ERAP2: variants seen among roughly 807,000 people sequenced by gnomAD.
ERAP2 encodes the protein endoplasmic reticulum aminopeptidase 2.
ERAP2 carries 118 observed loss-of-function variants against 111.1 expected under a neutral mutation model. That is an observed-to-expected ratio of 1.06 (90% CI 0.92 to 1.24). The LOEUF is 1.24. ERAP2 is among the 50% of genes most tolerant of loss of function. The pLI is 0.00. For synonymous variants in ERAP2, 410 were observed against 401.2 expected, an observed-to-expected ratio of 1.02 and a Z score of -0.26; for missense variants, 1,131 against 1,125.8, an observed-to-expected ratio of 1.00 and a Z score of -0.07.
intron 1 of ERAP2, among the ~76,000 whole-genome samples, chr5:96,878,702 TG>T (rs1581776901): frequency 6.6e-6 from 1 of 152,012 alleles, no homozygotes; most frequent in African/African-American, 2.4e-5. Context: ...CTGAGGCAAG[TG>T]GATCACCTGA....
In ERAP2 at chr5:96,900,002, T is replaced by C. The variant is rs1785278445; in HGVS notation, c.1504-119T>C. 7.5e-6 allele frequency: 9 copies of C among 1,198,594 alleles called. No homozygotes were observed. The South Asian group carries it at 1.3e-4, about 17-fold the overall frequency. 74.2% of individuals were successfully genotyped at this position (1,198,594 alleles called of 1,614,324 possible). On this transcript the variant is annotated intron_variant, in intron 9 of 18. Coordinates refer to ENST00000437043, the MANE Select transcript of ERAP2 (RefSeq NM_022350.5). Reference sequence around the variant, plus strand: ...TTTTCCATTTTTATGTTCATTATCATGTCTGGATGAATTATTTCATATAGC... The same window carrying C: ...TTTTCCATTTTTATGTTCATTATCACGTCTGGATGAATTATTTCATATAGC...
chr5:96,880,207 T>G lies in ERAP2; in HGVS notation c.522T>G (p.Asp174Glu). ...VAMDFQAKLG[D>E]GFEGFYKSTY... ...TGGACTTCCAAGCCAAGTTAGGTGATGGCTTTGAAGGGTTTTATAAAAGCA... is the reference window on the plus strand; with the variant it reads ...TGGACTTCCAAGCCAAGTTAGGTGAGGGCTTTGAAGGGTTTTATAAAAGCA... Residue 174 changes from aspartate to glutamate, a missense_variant, in exon 2 of 19, where the codon GAT becomes GAG. Physicochemically the swap from Asp to Glu is conservative, Grantham distance 45. Transcript: ENST00000437043. 1 of 1,614,100 alleles carries G rather than the reference T, an allele frequency of 6.2e-7. No homozygotes were observed. The highest frequency in any genetic ancestry group is 8.5e-7 in the Non-Finnish European group (1 of 1,179,998).
intron 2 of ERAP2, among the ~76,000 whole-genome samples, chr5:96,882,424 T>C (rs1261534650): frequency 6.6e-6 from 1 of 152,190 alleles, no homozygotes; most frequent in Non-Finnish European, 1.5e-5. Context: ...GTTCCCTTCA[T>C]ACTCAGTCAC....
At chr5:96,912,588 G>T (rs182615886) in intron 15 of ERAP2, 49 bp from the exon 16 acceptor site, 3 of 1,514,310 alleles carry the variant, frequency 2.0e-6, no homozygotes, top group Non-Finnish European at 1.8e-6. Context: ...TAAGAAAAAA[G>T]TTTTTCTTTC....
Position 96,912,768 on chromosome 5 carries a change from C to T in ERAP2, c.2486C>T (p.Ser829Leu), listed in dbSNP as rs759689480. ...AEQNKILYAL[S>L]TSKHQEKLLK... Reference sequence around the variant, plus strand: ...CAAAACAAAATTCTGTATGCTTTGTCAACGAGCAAGCATCAGGAAAAGTTA... The same window carrying T: ...CAAAACAAAATTCTGTATGCTTTGTTAACGAGCAAGCATCAGGAAAAGTTA... The change falls in exon 16 of 19, where the codon TCA (serine) becomes TTA (leucine). Residue 829 changes from serine to leucine, a missense_variant. Physicochemically the swap from Ser to Leu is moderately radical, Grantham distance 145. Coordinates refer to ENST00000437043, the MANE Select transcript of ERAP2 (RefSeq NM_022350.5). The T allele has an allele frequency of 2.5e-6, 4 of 1,602,228 alleles. No homozygotes were observed. The highest frequency in any genetic ancestry group is 3.4e-6 in the Non-Finnish European group (4 of 1,176,976).
rs1785697415 is a variant in ERAP2 at position 96,903,439 on chromosome 5, T to G, written c.1891T>G (p.Tyr631Asp). 5.6e-6 allele frequency: 9 copies of G among 1,614,028 alleles called. No individual in the cohort carries two copies. The highest frequency in any genetic ancestry group is 1.3e-5 in the African/African-American group (1 of 75,056). The change falls in exon 13 of 19, where the codon TAC (tyrosine) becomes GAC (aspartate). Residue 631 changes from tyrosine (Y) to aspartate (D), a missense_variant. By Grantham distance (160) the Tyr-to-Asp change is radical. This residue lies in a region of ERAP2 where 847 missense variants were observed against 856.5 expected (regional missense o/e 0.99). Coordinates refer to ENST00000437043, the MANE Select transcript of ERAP2 (RefSeq NM_022350.5). ...ATTTAATGTGGACTCAAATGGTTAC[T>G]ACATCGTTCACTATGAGGGTCATGG... ...VKFNVDSNGYYIVHYEGHGWD... is the reference protein window; with the variant it reads ...VKFNVDSNGYDIVHYEGHGWD...
intron 15 of ERAP2, among the ~76,000 whole-genome samples, chr5:96,912,190 A>G (rs1786864126): frequency 6.8e-6 from 1 of 147,614 alleles, no homozygotes; most frequent in African/African-American, 2.5e-5. Flanking sequence ...CTCCACCTCA[A>G]AAAAAAAAAA....
chr5:96,918,723 T>A lies in ERAP2; in HGVS notation c.*1118T>A, dbSNP rs1023162464. 6.6e-6 allele frequency: 1 copy of A among 152,224 alleles called. No individual in the cohort carries two copies. The highest frequency in any genetic ancestry group is 2.4e-5 in the African/African-American group (1 of 41,468). The allele number at this position is 152,224 out of a possible 1,614,324, so 9.4% of individuals were successfully genotyped here. On this transcript the variant is annotated 3_prime_UTR_variant, in exon 19 of 19. Coordinates refer to ENST00000437043, the MANE Select transcript of ERAP2 (RefSeq NM_022350.5). ...CCCTCACAGAGACACAAGAAAGGAATATAATTCATACACTATTGCATTTTT... is the reference window on the plus strand; with the variant it reads ...CCCTCACAGAGACACAAGAAAGGAAAATAATTCATACACTATTGCATTTTT...
At chr5:96,898,648 G>A (rs6873441) in intron 9 of ERAP2, among the ~76,000 whole-genome samples, 81,158 of 150,406 alleles carry the variant, frequency 0.54, 21,981 homozygotes, top group Admixed American at 0.58. Context: ...GTTGAGGCAG[G>A]AGAATCACTT....
chr5:96,897,362 C>A (rs1232317065), intron 9 of ERAP2, among the ~76,000 whole-genome samples: 4 of 152,182 alleles, frequency 2.6e-5, no homozygotes, highest in Non-Finnish European at 5.9e-5. Context: ...TGCCACCCAA[C>A]TTTTAAGATC....
chr5:96,916,091 C>T (rs1391383698), intron 18 of ERAP2, among the ~76,000 whole-genome samples: 5 of 151,908 alleles, frequency 3.3e-5, no homozygotes, highest in African/African-American at 9.7e-5. Flanking sequence ...TGTGGTGGCA[C>T]GCACCTGTAG....
intron 9 of ERAP2, among the ~76,000 whole-genome samples, chr5:96,899,237 A>G (rs1443037270): frequency 6.6e-6 from 1 of 152,230 alleles, no homozygotes; most frequent in East Asian, 1.9e-4. Context: ...TTGTCTTCTA[A>G]GTCCAATAGT....
At chr5:96,895,161 A>G (rs1332652024) in intron 6 of ERAP2, 85 bp from the exon 7 acceptor site, 1 of 775,018 alleles carries the variant, frequency 1.3e-6, no homozygotes, top group African/African-American at 2.0e-5. Context: ...TAATAAAAAA[A>G]AAGTTAGTAA....
At chr5:96,911,865 T>TTAAAAAAAAAA (rs1786777742) in intron 15 of ERAP2, among the ~76,000 whole-genome samples, 1 of 28,408 alleles carries the variant, frequency 3.5e-5, no homozygotes, top group Non-Finnish European at 6.3e-5. Flanking sequence ...AGACCCTGTC[T>TTAAAAAAAAAA]CAAAAAAAAA....
intron 13 of ERAP2, among the ~76,000 whole-genome samples, chr5:96,908,431 G>A (rs1786345489): frequency 6.6e-6 from 1 of 152,154 alleles, no homozygotes; most frequent in Admixed American, 6.5e-5. Flanking sequence ...GAAAATACTT[G>A]TTTTGTCCTA....
At chr5:96,891,497 GTGTATATATA>G (rs1561371797) in intron 5 of ERAP2, among the ~76,000 whole-genome samples, 11 of 85,418 alleles carry the variant, frequency 1.3e-4, no homozygotes, top group Admixed American at 2.7e-4. Context: ...GTGTGTGTGT[GTGTATATATA>G]TATATATATG....
chr5:96,906,185 C>CT (rs66812109), intron 13 of ERAP2, among the ~76,000 whole-genome samples: 2 of 150,628 alleles, frequency 1.3e-5, no homozygotes, highest in East Asian at 1.9e-4. Flanking sequence ...GACACTGTCT[C>CT]TTTTTTTTTT....
At chr5:96,892,000 C>A (rs963293535) in intron 5 of ERAP2, among the ~76,000 whole-genome samples, 1 of 152,064 alleles carries the variant, frequency 6.6e-6, no homozygotes, top group African/African-American at 2.4e-5. Flanking sequence ...AAATTATTTT[C>A]TTGGCAGTAA....
intron 9 of ERAP2, among the ~76,000 whole-genome samples, chr5:96,897,951 C>T (rs758804909): frequency 6.6e-6 from 1 of 152,202 alleles, no homozygotes; most frequent in Non-Finnish European, 1.5e-5. Flanking sequence ...AATCCCAAGA[C>T]TTTGGGACAC....
Sources: allele counts gnomAD v4.1 joint callset (sites outside exome capture counted in the v4.1 genomes callset), GRCh38; gene constraint gnomAD v4.1.1; regional missense constraint gnomAD v4.1.1; transcripts MANE v1.5; gene names NCBI Gene and HGNC (gene_info 2026-07-23, HGNC 2026-07-21).